Variants in LIMK2 observed in about 807,000 individuals in gnomAD.
LIMK2 encodes the protein LIM domain kinase 2.
LIMK2 carries 35 observed loss-of-function variants against 75.7 expected under a neutral mutation model. The ratio of observed to expected loss-of-function variants is 0.46; its 90% CI spans 0.35 to 0.61. The LOEUF is 0.61. Ranked by LOEUF, LIMK2 falls within the 20% of genes least tolerant of loss-of-function variation. LIMK2 has a pLI of 0.00. For missense variants in LIMK2, 623 were observed against 831.0 expected (o/e 0.75, Z 3.08); for synonymous variants, 301 against 319.2 (o/e 0.94, Z 0.61).
chr22:31,259,214 C>T lies in LIMK2; in HGVS notation c.346C>T (p.His116Tyr), dbSNP rs752006815. 2 of 1,604,612 alleles carry T rather than the reference C, an allele frequency of 1.2e-6. No homozygotes were observed. Among genetic ancestry groups the T allele is most frequent in the African/African-American group, 1.3e-5 (1 of 74,870 alleles). The change falls in exon 4 of 16, where the codon CAT becomes TAT. Residue 116 changes from histidine (H) to tyrosine (Y), a missense_variant. His to Tyr is a moderately conservative substitution (Grantham distance 83). This residue lies in a region of LIMK2 where 514 missense variants were observed against 661.3 expected (regional missense o/e 0.78). Transcript: ENST00000331728. ...EDGDAYALVQHATLYCGKCHN... is the reference protein window; with the variant it reads ...EDGDAYALVQYATLYCGKCHN... Reference sequence around the variant, plus strand: ...TGGGGATGCATATGCACTGGTGCAGCATGCCACCCTCTACTGGTAAGATAG... The same window carrying T: ...TGGGGATGCATATGCACTGGTGCAGTATGCCACCCTCTACTGGTAAGATAG...
intron 2 of LIMK2, among the ~76,000 whole-genome samples, chr22:31,246,764 A>G (rs1203214129): frequency 1.3e-5 from 2 of 151,282 alleles, no homozygotes; most frequent in Non-Finnish European, 2.9e-5. Context: ...GACTCAAAAA[A>G]AAAAAAACAA....
intron 3 of LIMK2, 200 bp from the exon 4 acceptor site, chr22:31,258,921 A>C (rs76998868): frequency 3.8e-6 from 2 of 529,928 alleles, no homozygotes; most frequent in Admixed American, 3.1e-5. Context: ...TGAGACCAAA[A>C]CAGTTTTGTG....
intron 15 of LIMK2, chr22:31,276,938 G>A (rs2123873187): frequency 6.2e-7 from 1 of 1,613,770 alleles, no homozygotes; most frequent in Non-Finnish European, 8.5e-7. Context: ...CAGCTCACGC[G>A]CCTCTACGAC....
chr22:31,268,662 A>G (rs2048921936), intron 11 of LIMK2, among the ~76,000 whole-genome samples: 1 of 152,340 alleles, frequency 6.6e-6, no homozygotes, highest in African/African-American at 2.4e-5. Flanking sequence ...GAAAGAGGAG[A>G]AAATCATCTA....
chr22:31,264,736 A>G (rs1040705318), intron 7 of LIMK2, among the ~76,000 whole-genome samples: 3 of 149,658 alleles, frequency 2.0e-5, no homozygotes, highest in Non-Finnish European at 2.9e-5. Context: ...CAGCCTGGCC[A>G]ACATGGTGAA....
chr22:31,248,931 C>T (rs1269056222), intron 2 of LIMK2, among the ~76,000 whole-genome samples: 1 of 152,060 alleles, frequency 6.6e-6, no homozygotes, highest in Non-Finnish European at 1.5e-5. Context: ...TTGTGAGGTA[C>T]CCCCATTATG....
intron 2 of LIMK2, among the ~76,000 whole-genome samples, chr22:31,232,804 TGCCCAG>T (rs2048540830): frequency 6.6e-6 from 1 of 152,082 alleles, no homozygotes; most frequent in Admixed American, 6.5e-5. Flanking sequence ...CTTGCTCTGT[TGCCCAG>T]GCTGGTCTCA....
At chr22:31,225,531 G>T (rs1668992492) in intron 1 of LIMK2, among the ~76,000 whole-genome samples, 189 bp from the exon 2 acceptor site, 1 of 152,234 alleles carries the variant, frequency 6.6e-6, no homozygotes, top group African/African-American at 2.4e-5. Context: ...TGTCCCTGGA[G>T]AGATGAGCAG....
At chr22:31,259,324 G>A in intron 4 of LIMK2, 94 bp downstream of exon 4, 1 of 725,352 alleles carries the variant, frequency 1.4e-6, no homozygotes, top group Non-Finnish European at 2.5e-6. Context: ...GGAGTGTTAG[G>A]GTAGTCAGAG....
At chr22:31,270,870 T>A (rs1253045320) in intron 11 of LIMK2, among the ~76,000 whole-genome samples, 1 of 152,106 alleles carries the variant, frequency 6.6e-6, no homozygotes, top group Admixed American at 6.5e-5. Context: ...GAGAGAGCTG[T>A]GAGGGCTTTG....
chr22:31,259,848 G>A, intron 4 of LIMK2, 41 bp from the exon 5 acceptor site: 1 of 1,560,530 alleles, frequency 6.4e-7, no homozygotes, highest in Non-Finnish European at 8.6e-7. Flanking sequence ...GCTTCTGTGT[G>A]GGACTCTAGC....
chr22:31,275,074 T>C (rs531966670), intron 14 of LIMK2, 77 bp from the exon 15 acceptor site: 1 of 1,420,938 alleles, frequency 7.0e-7, no homozygotes, highest in African/African-American at 1.4e-5. Flanking sequence ...CCTGTCCACA[T>C]CCCAGCATCC....
intron 2 of LIMK2, among the ~76,000 whole-genome samples, chr22:31,252,669 T>C (rs769931427): frequency 1.1e-4 from 16 of 152,068 alleles, no homozygotes; most frequent in Non-Finnish European, 2.1e-4. Flanking sequence ...TTGCTAGGCA[T>C]AGGAGAAAAA....
chr22:31,229,258 C>G (rs906534349), intron 2 of LIMK2, among the ~76,000 whole-genome samples: 18 of 152,190 alleles, frequency 1.2e-4, no homozygotes, highest in African/African-American at 4.3e-4. Context: ...GAGCTTTCCC[C>G]TGGTAAATTC....
At chr22:31,229,206 C>CTCTA (rs2048504929) in intron 2 of LIMK2, among the ~76,000 whole-genome samples, 1 of 152,148 alleles carries the variant, frequency 6.6e-6, no homozygotes, top group Admixed American at 6.5e-5. Context: ...AGGACAGAGA[C>CTCTA]TCTAATCCAG....
rs1199085400 is a variant in LIMK2, at chr22:31,278,418, C to G, written c.1894C>G (p.Leu632Val). 6.2e-7 allele frequency: 1 copy of G among 1,612,880 alleles called. No homozygotes were observed. Among genetic ancestry groups the G allele is most frequent in the Non-Finnish European group, 8.5e-7 (1 of 1,179,556 alleles). The change falls in exon 16 of 16, where the codon CTG becomes GTG. Residue 632 changes from leucine (L) to valine (V), a missense_variant. Transcript: ENST00000331728. Reference sequence around the variant, plus strand: ...CCACACTGTGAGCATGCAGTACGGCCTGACCCGGGACTCACCTCCCTAGCC... The same window carrying G: ...CCACACTGTGAGCATGCAGTACGGCGTGACCCGGGACTCACCTCCCTAGCC... Reference protein sequence around the residue: ...LDHTVSMQYGLTRDSPP With the variant: ...LDHTVSMQYGVTRDSPP
In LIMK2 at chr22:31,259,884, C is replaced by G. The variant is rs377106908; in HGVS notation, c.363-5C>G. On this transcript the variant is annotated splice_region_variant and splice_polypyrimidine_tract_variant and intron_variant, in intron 4 of 15. Transcript: ENST00000331728. ...ATCTTATTCCCCCCTGTGCCCTCTC[C>G]CCAGTGGGAAGTGCCACAATGAGGT... The G allele has an allele frequency of 6.2e-7, 1 of 1,603,950 alleles. No homozygotes were observed. The highest frequency in any genetic ancestry group is 1.3e-5 in the African/African-American group (1 of 74,406).
At chr22:31,250,359 G>A (rs2123817687) in intron 2 of LIMK2, among the ~76,000 whole-genome samples, 1 of 152,258 alleles carries the variant, frequency 6.6e-6, no homozygotes. Flanking sequence ...GGAAGCCAGG[G>A]AGGACACAAC....
Position 31,272,633 on chromosome 22 carries a change from GC to G in LIMK2, c.1488del (p.Lys497ArgfsTer22). On this transcript the variant is annotated frameshift_variant, in exon 13 of 16. Coordinates refer to ENST00000331728, the MANE Select transcript of LIMK2 (RefSeq NM_005569.4). LOFTEE classifies it high-confidence loss of function. ...EKATTKKRTL[R>X]KNDRKKRYTV... The stretch of plus-strand genomic sequence containing the variant: ...GCCACCACCAAGAAACGCACCTTGC[GC>G]AAGAACGACCGCAAGAAGCGCTACA... 1 of 1,613,928 alleles carries G rather than the reference GC, an allele frequency of 6.2e-7. No individual in the cohort carries two copies. Among genetic ancestry groups the G allele is most frequent in the East Asian group, 2.2e-5 (1 of 44,844 alleles).
Sources: gnomAD v4.1 joint callset for allele counts (sites outside exome capture counted in the v4.1 genomes callset) on GRCh38, gnomAD v4.1.1 for gene constraint, gnomAD v4.1.1 regional missense constraint, MANE v1.5 for transcripts, NCBI Gene and HGNC (gene_info 2026-07-23, HGNC 2026-07-21) for gene names.